Variants in TCF12 observed in about 807,000 individuals in gnomAD.
TCF12 encodes DNA-binding protein HTF4.
A neutral mutation model predicts 86.0 loss-of-function variants in TCF12; 45 were observed. That is an observed-to-expected ratio of 0.52 (90% confidence interval 0.41 to 0.67). TCF12 has a LOEUF of 0.67. Among genes scored for constraint, TCF12 ranks in the 30% least tolerant of loss-of-function variants. The pLI, the probability that TCF12 is intolerant of heterozygous loss-of-function variation, is 0.00. For missense variants in TCF12, 881 were observed against 859.9 expected, an observed-to-expected ratio of 1.02 and a Z score of -0.31; for synonymous variants, 330 against 299.6, an observed-to-expected ratio of 1.10 and a Z score of -1.05.
At chr15:56,978,627 A>G (rs1342578920) in intron 3 of TCF12, among the ~76,000 whole-genome samples, 4 of 152,226 alleles carry the variant, frequency 2.6e-5, no homozygotes, top group African/African-American at 4.8e-5. Flanking sequence ...CCTCACATAC[A>G]TGATACAAAT....
intron 16 of TCF12, among the ~76,000 whole-genome samples, chr15:57,254,872 A>AG (rs1336389696): frequency 6.3e-4 from 92 of 146,550 alleles, no homozygotes; most frequent in African/African-American, 1.3e-3. Context: ...AAAAAAAAAA[A>AG]AAAAAGAAAG....
At chr15:56,981,088 A>G (rs2140881091) in intron 3 of TCF12, among the ~76,000 whole-genome samples, 1 of 152,350 alleles carries the variant, frequency 6.6e-6, no homozygotes, top group African/African-American at 2.4e-5. Flanking sequence ...ATGAACTTGT[A>G]ATAGTCATGT....
chr15:57,251,093 A>G (rs1222755074), intron 13 of TCF12: 1 of 370,872 alleles, frequency 2.7e-6, no homozygotes, highest in African/African-American at 2.1e-5. Context: ...AGTCTAAAGA[A>G]TGTGCAAACA....
downstream of TCF12, among the ~76,000 whole-genome samples, chr15:57,290,597 C>T (rs2062061247): frequency 6.6e-6 from 1 of 152,174 alleles, no homozygotes; most frequent in Non-Finnish European, 1.5e-5. Context: ...GTAGGGAGAG[C>T]CTCAGGCTGC....
At chr15:57,196,816 G>A (rs376731375) in intron 7 of TCF12, among the ~76,000 whole-genome samples, 1 of 152,022 alleles carries the variant, frequency 6.6e-6, no homozygotes, top group Admixed American at 6.6e-5. Flanking sequence ...CTGTAGTTGT[G>A]GTTATAGCCA....
At chr15:57,007,135 G>A (rs982726143) in intron 3 of TCF12, among the ~76,000 whole-genome samples, 55 of 152,072 alleles carry the variant, frequency 3.6e-4, no homozygotes, top group Non-Finnish European at 7.8e-4. Flanking sequence ...TATTCACATC[G>A]TATGTGAAAC....
At chr15:56,954,826 C>T (rs2061430818) in intron 3 of TCF12, among the ~76,000 whole-genome samples, 1 of 152,180 alleles carries the variant, frequency 6.6e-6, no homozygotes, top group African/African-American at 2.4e-5. Flanking sequence ...AAATGCTCAT[C>T]ATCACTAGTC....
At chr15:57,048,578 A>C (rs2067396634) in intron 3 of TCF12, among the ~76,000 whole-genome samples, 1 of 152,004 alleles carries the variant, frequency 6.6e-6, no homozygotes, top group Non-Finnish European at 1.5e-5. Context: ...CTGAAGTTTT[A>C]ATTGTGGTGG....
intron 3 of TCF12, among the ~76,000 whole-genome samples, chr15:56,934,995 A>G (rs1291256489): frequency 6.6e-6 from 1 of 152,216 alleles, no homozygotes; most frequent in African/African-American, 2.4e-5. Flanking sequence ...TTTCTTGAAG[A>G]TCTATCTTAA....
At chr15:57,164,294 G>A (rs746704371) in intron 5 of TCF12, among the ~76,000 whole-genome samples, 2 of 152,042 alleles carry the variant, frequency 1.3e-5, no homozygotes, top group Non-Finnish European at 2.9e-5. Flanking sequence ...TCGTTCTCAC[G>A]CTGCTAATAA....
chr15:57,252,503 T>C lies in TCF12; in HGVS notation c.1260+11T>C. ...AAGGATGTCTGTGAGGTACTATTTC[T>C]TTTAGATGGTGCCTTTTTTGTGTTT... is the stretch of plus-strand genomic sequence containing the variant. On this transcript the variant is annotated intron_variant, in intron 15 of 20. Coordinates refer to ENST00000333725, the MANE Select transcript of TCF12 (RefSeq NM_207037.2). 6.2e-7 allele frequency: 1 copy of C among 1,610,100 alleles called. No individual in the cohort carries two copies. The highest frequency in any genetic ancestry group is 8.5e-7 in the Non-Finnish European group (1 of 1,176,656).
chr15:56,928,890 G>A (rs536443666), intron 3 of TCF12, among the ~76,000 whole-genome samples: 1 of 152,254 alleles, frequency 6.6e-6, no homozygotes, highest in South Asian at 2.1e-4. Flanking sequence ...TGGAGAGAAT[G>A]TTAAGAGTCT....
intron 3 of TCF12, among the ~76,000 whole-genome samples, chr15:57,033,124 T>C (rs926081283): frequency 6.6e-6 from 1 of 152,026 alleles, no homozygotes; most frequent in Non-Finnish European, 1.5e-5. Context: ...TTTTTCAATC[T>C]GAACAATAAA....
At chr15:57,007,804 TTC>T (rs1329782436) in intron 3 of TCF12, among the ~76,000 whole-genome samples, 52 of 131,780 alleles carry the variant, frequency 3.9e-4, no homozygotes, top group African/African-American at 1.1e-3. Flanking sequence ...CTTTCTTTCT[TTC>T]TTTCTTTCTT....
intron 5 of TCF12, among the ~76,000 whole-genome samples, chr15:57,105,507 G>C (rs1441303908): frequency 3.9e-5 from 6 of 152,072 alleles, no homozygotes; most frequent in African/African-American, 1.2e-4. Flanking sequence ...CTCACTCCCA[G>C]GTTCAAGCGA....
In TCF12 at chr15:56,922,296, A is replaced by T. The variant is rs553773984; in HGVS notation, c.148+1198A>T. Among the ~76,000 whole-genome samples the T allele has an allele frequency of 2.0e-5, 3 of 152,106 alleles. No homozygotes were observed. The South Asian group carries it at 6.2e-4, about 31-fold the overall frequency. On this transcript the variant is annotated intron_variant, in intron 3 of 20. Transcript: ENST00000333725. ...TGATGCTTAGTATTTTTTAAAAATG[A>T]GTCTTGATATTACTGTTGCCTACTG... is the stretch of plus-strand genomic sequence containing the variant.
At chr15:57,087,393 C>G (rs542536378) in intron 4 of TCF12, among the ~76,000 whole-genome samples, 8 of 128,028 alleles carry the variant, frequency 6.2e-5, no homozygotes, top group Non-Finnish European at 9.5e-5. Context: ...GCCTGAGCAA[C>G]AGAGCAAGAC....
At chr15:57,282,698 C>A in intron 20 of TCF12, 100 bp downstream of exon 20, 3 of 1,358,826 alleles carry the variant, frequency 2.2e-6, no homozygotes, top group Non-Finnish European at 3.0e-6. Context: ...GAGCAGTGGC[C>A]ATTGTAAAGG....
intron 3 of TCF12, among the ~76,000 whole-genome samples, chr15:57,039,704 A>G (rs1324054391): frequency 6.6e-6 from 1 of 152,100 alleles, no homozygotes; most frequent in African/African-American, 2.4e-5. Context: ...ATGCTTACTT[A>G]TTAAGTCCGT....
Sources: gnomAD v4.1 joint callset for allele counts (sites outside exome capture counted in the v4.1 genomes callset) on GRCh38, gnomAD v4.1.1 for gene constraint, MANE v1.5 for transcripts, NCBI Gene and HGNC (gene_info 2026-07-23, HGNC 2026-07-21) for gene names.